Variants in PPP4R3A observed in about 807,000 individuals in gnomAD.
PPP4R3A encodes the protein protein phosphatase 4 regulatory subunit 3A, also known as serine/threonine-protein phosphatase 4 regulatory subunit 3A.
In PPP4R3A, 15 loss-of-function variants were observed where a neutral mutation model predicts 91.7. The ratio of observed to expected loss-of-function variants is 0.16; its 90% CI spans 0.11 to 0.25. The LOEUF (loss-of-function observed/expected upper bound fraction) is 0.25, where lower values mean the gene tolerates loss of function less well. Ranked by LOEUF, PPP4R3A falls within the 10% of genes least tolerant of loss-of-function variation. The probability of loss-of-function intolerance (pLI) is 1.00; values close to 1 mark genes in which losing one functional copy is unlikely to be tolerated. For missense variants in PPP4R3A, 623 were observed against 998.4 expected (o/e 0.62, Z 5.07); for synonymous variants, 377 against 348.7 (o/e 1.08, Z -0.91).
chr14:91,481,843 A>T lies in PPP4R3A; in HGVS notation c.648T>A (p.Cys216Ter), dbSNP rs1365926594. ...ALFEVMFSEECIMDVIGCLEY... is the reference protein window; with the variant it reads ...ALFEVMFSEE The stretch of plus-strand genomic sequence containing the variant: ...CTAAACATCCAATGACGTCCATTAT[A>T]CATTCTTCAGAGAACATAACTTCAA... The change falls in exon 4 of 15, where the codon TGT becomes TGA. Residue 216 changes from cysteine (C) to a stop codon, truncating the protein, a stop_gained. Coordinates refer to ENST00000554943, the MANE Select transcript of PPP4R3A (RefSeq NM_001366432.2). LOFTEE classifies it high-confidence loss of function. 1 of 1,614,066 alleles carries T rather than the reference A, an allele frequency of 6.2e-7. No individual in the cohort carries two copies.
At chr14:91,473,210 G>A in intron 8 of PPP4R3A, 29 bp downstream of exon 8, 1 of 1,612,020 alleles carries the variant, frequency 6.2e-7, no homozygotes. Flanking sequence ...TACTAGCTAT[G>A]AAAAAGAGGG....
intron 1 of PPP4R3A, 121 bp from the exon 2 acceptor site, chr14:91,490,923 G>A (rs1410600360): frequency 8.6e-6 from 3 of 346,950 alleles, no homozygotes; most frequent in African/African-American, 2.6e-5. Context: ...TTTTTTTAAT[G>A]AGACAGGGCT....
At position 91,458,890 on chromosome 14, in the gene PPP4R3A, T is replaced by C. The variant is rs1312863303; in HGVS notation, c.2392-21A>G. On this transcript the variant is annotated intron_variant, in intron 14 of 14. Coordinates refer to ENST00000554943, the MANE Select transcript of PPP4R3A (RefSeq NM_001366432.2). Reference sequence around the variant, plus strand: ...CCTCCCTGTTAAGAAATAAGGATTATTTAAAGAACAGAAAATAAAACATAT... The same window carrying C: ...CCTCCCTGTTAAGAAATAAGGATTACTTAAAGAACAGAAAATAAAACATAT... 20 of 1,571,794 alleles carry C rather than the reference T, an allele frequency of 1.3e-5. No homozygotes were observed. In the South Asian group the frequency reaches 1.9e-4, roughly 15 times the overall value.
intron 1 of PPP4R3A, among the ~76,000 whole-genome samples, chr14:91,501,045 C>A (rs1031602392): frequency 1.6e-4 from 25 of 151,852 alleles, no homozygotes; most frequent in Non-Finnish European, 2.6e-4. Context: ...AATTTAAAAA[C>A]AAAAAAACCC....
rs1224734233 is a variant in PPP4R3A, at chr14:91,507,379, A to G, written c.142+2127T>C. On this transcript the variant is annotated intron_variant, in intron 1 of 14. Transcript: ENST00000554943. ...TATAGTATATATACTATAATTATAT[A>G]TACTATATAGTATATGTACTATAAT... is the stretch of plus-strand genomic sequence containing the variant. Among the ~76,000 whole-genome samples, 4 of 64,014 alleles carry G rather than the reference A, an allele frequency of 6.2e-5. 1 individual carries two copies. The South Asian group carries it at 1.9e-3, about 30-fold the overall frequency. The allele number at this position is 64,014 out of a possible 152,430, so 42.0% of individuals were successfully genotyped here. A position where few individuals can be genotyped will look rare whatever the true frequency, so the allele number is the denominator to read the frequency against.
At chr14:91,496,014 GAATC>G (rs1319145668) in intron 1 of PPP4R3A, among the ~76,000 whole-genome samples, 1 of 152,178 alleles carries the variant, frequency 6.6e-6, no homozygotes, top group African/African-American at 2.4e-5. Context: ...GTTAATATAT[GAATC>G]AAAGAGTAAA....
chr14:91,461,758 A>C lies in PPP4R3A; in HGVS notation c.2165-151T>G, dbSNP rs547721302. 5.7e-6 allele frequency: 5 copies of C among 881,992 alleles called. No individual in the cohort carries two copies. The African/African-American group carries it at 6.8e-5, about 12-fold the overall frequency. 54.6% of individuals were successfully genotyped at this position (881,992 alleles called of 1,614,324 possible). On this transcript the variant is annotated intron_variant, in intron 13 of 14. Transcript: ENST00000554943. Reference sequence around the variant, plus strand: ...ATAAAAGAAGCTTACCAAAATACTAACCACAATTCCATTCATTGGATCTTA... The same window carrying C: ...ATAAAAGAAGCTTACCAAAATACTACCCACAATTCCATTCATTGGATCTTA...
chr14:91,487,990 A>G (rs1890001317), intron 2 of PPP4R3A, among the ~76,000 whole-genome samples: 1 of 152,198 alleles, frequency 6.6e-6, no homozygotes, highest in African/African-American at 2.4e-5. Context: ...ACCCCAGCCA[A>G]GAACACTTCT....
chr14:91,460,435 GAA>G (rs896115274), intron 14 of PPP4R3A, among the ~76,000 whole-genome samples: 1 of 146,022 alleles, frequency 6.8e-6, no homozygotes, highest in Non-Finnish European at 1.5e-5. Flanking sequence ...GCTCACGCCA[GAA>G]AAAAAAAAGA....
intron 1 of PPP4R3A, among the ~76,000 whole-genome samples, chr14:91,493,397 G>C (rs548032872): frequency 6.6e-6 from 1 of 150,744 alleles, no homozygotes; most frequent in Admixed American, 6.6e-5. Context: ...CAAGAGACAG[G>C]CAGGAGGATC....
chr14:91,476,618 T>G (rs548986491), intron 5 of PPP4R3A, 94 bp from the exon 6 acceptor site: 1 of 904,556 alleles, frequency 1.1e-6, no homozygotes, highest in East Asian at 2.7e-5. Context: ...GACGCTGGAG[T>G]GCAATGGCAC....
At chr14:91,475,682 AC>A in intron 7 of PPP4R3A, 128 bp downstream of exon 7, 1 of 850,400 alleles carries the variant, frequency 1.2e-6, no homozygotes, top group Non-Finnish European at 1.8e-6. Flanking sequence ...ATTTAGGGGA[AC>A]AATAAGCTGT....
chr14:91,481,989 C>A lies in PPP4R3A; in HGVS notation c.502G>T (p.Gly168Cys), dbSNP rs935835317. The change falls in exon 4 of 15, where the codon GGT becomes TGT. Residue 168 changes from glycine to cysteine, a missense_variant. Gly to Cys is a radical substitution (Grantham distance 159). This residue lies in a region of PPP4R3A where 264 missense variants were observed against 377.3 expected (regional missense o/e 0.70). Coordinates refer to ENST00000554943, the MANE Select transcript of PPP4R3A (RefSeq NM_001366432.2). ...AGCTCCAGGAGCTTTTTAATATAAC[C>A]CTCATTTTCTAGTGCCAGTGCAAGT... ...EKLALALENEGYIKKLLELFH... is the reference protein window; with the variant it reads ...EKLALALENECYIKKLLELFH... 1.2e-6 allele frequency: 2 copies of A among 1,613,844 alleles called. No homozygotes were observed. Among genetic ancestry groups the A allele is most frequent in the African/African-American group, 2.7e-5 (2 of 74,868 alleles).
At chr14:91,471,055 G>A in intron 9 of PPP4R3A, 60 bp from the exon 10 acceptor site, 1 of 1,469,738 alleles carries the variant, frequency 6.8e-7, no homozygotes, top group East Asian at 2.4e-5. Flanking sequence ...CTTCTAAAAT[G>A]TAAGAACTCA....
At chr14:91,475,659 G>A (rs1385268799) in intron 7 of PPP4R3A, 152 bp downstream of exon 7, 12 of 650,982 alleles carry the variant, frequency 1.8e-5, no homozygotes, top group Non-Finnish European at 3.0e-5. Context: ...TTGATAAACT[G>A]AGACAGGAAC....
At position 91,510,060 on chromosome 14, in the gene PPP4R3A, T is replaced by C; in HGVS notation, c.-413A>G. The C allele has an allele frequency of 1.7e-6, 1 of 590,104 alleles. No homozygotes were observed. Among genetic ancestry groups the C allele is most frequent in the South Asian group, 6.9e-5 (1 of 14,428 alleles). The allele number at this position is 590,104 out of a possible 1,614,324, so 36.6% of individuals were successfully genotyped here. ...CAGGCCGCCGCCGCCGCCGCCATAT[T>C]TTCCTTCCTTATACCTGGCCCTGCC... On this transcript the variant is annotated 5_prime_UTR_variant, in exon 1 of 15. Transcript: ENST00000554943.
At chr14:91,495,764 T>C (rs545965521) in intron 1 of PPP4R3A, among the ~76,000 whole-genome samples, 3 of 151,974 alleles carry the variant, frequency 2.0e-5, no homozygotes, top group African/African-American at 7.2e-5. Context: ...AAAAAAATTT[T>C]AAAAATTAGC....
intron 14 of PPP4R3A, among the ~76,000 whole-genome samples, chr14:91,460,769 CG>C (rs1567143390): frequency 6.6e-6 from 1 of 150,940 alleles, no homozygotes; most frequent in East Asian, 2.0e-4. Flanking sequence ...TACAGGCGCC[CG>C]CCACCACGCC....
intron 10 of PPP4R3A, 107 bp from the exon 11 acceptor site, chr14:91,465,526 C>CATA: frequency 2.1e-6 from 2 of 935,148 alleles, no homozygotes; most frequent in Non-Finnish European, 3.0e-6. Flanking sequence ...TAACACATAT[C>CATA]AATAATTATT....
Sources: allele counts gnomAD v4.1 joint callset (sites outside exome capture counted in the v4.1 genomes callset), GRCh38; gene constraint gnomAD v4.1.1; regional missense constraint gnomAD v4.1.1; transcripts MANE v1.5; gene names NCBI Gene and HGNC (gene_info 2026-07-23, HGNC 2026-07-21).